MTO1: variants seen among roughly 807,000 people sequenced by gnomAD.
MTO1 encodes 5-taurinomethyluridine-[tRNA] synthase subunit MTO1, mitochondrial.
Under a neutral mutation model 71.6 loss-of-function variants are expected in MTO1, and 46 were observed. That is an observed-to-expected ratio of 0.64 (90% CI 0.51 to 0.82). MTO1 has a LOEUF of 0.82. Ranked by LOEUF, MTO1 falls within the 40% of genes least tolerant of loss-of-function variation. The probability of loss-of-function intolerance (pLI) is 0.00; values close to 1 mark genes in which losing one functional copy is unlikely to be tolerated. For synonymous variants in MTO1, 297 were observed against 312.1 expected (o/e 0.95, Z 0.51); for missense variants, 773 against 867.5 (o/e 0.89, Z 1.37).
Position 73,473,647 on chromosome 6 carries a change from G to A in MTO1, c.818G>A (p.Trp273Ter). The change falls in exon 4 of 12, where the codon TGG becomes TAG. Residue 273 changes from tryptophan to a stop codon, truncating the protein, a stop_gained. Transcript: ENST00000498286. LOFTEE classifies it high-confidence loss of function. ...IPFSFTNETV[W>*]IKPEDQLPCY... is the part of the protein sequence containing the mutation. ...TTCAGCTTTACCAATGAGACAGTAT[G>A]GATTAAGGTAAGATACTTTACGAAA... 2 of 1,608,500 alleles carry A rather than the reference G, an allele frequency of 1.2e-6. No individual in the cohort carries two copies. The highest frequency in any genetic ancestry group is 1.7e-6 in the Non-Finnish European group (2 of 1,176,188).
intron 9 of MTO1, among the ~76,000 whole-genome samples, chr6:73,491,414 G>A (rs76006858): frequency 2.2e-5 from 3 of 139,252 alleles, no homozygotes; most frequent in African/African-American, 6.0e-5. Context: ...AAAAAAAAAA[G>A]AAGAAGAAGA....
intron 9 of MTO1, 51 bp downstream of exon 9, chr6:73,482,671 C>T (rs1771540039): frequency 2.1e-6 from 3 of 1,439,482 alleles, no homozygotes; most frequent in Middle Eastern, 5.2e-4. Context: ...AAAATAAGAT[C>T]ATAAGATCAT....
chr6:73,490,141 A>AT (rs1439362124), intron 9 of MTO1, among the ~76,000 whole-genome samples: 5 of 151,514 alleles, frequency 3.3e-5, no homozygotes, highest in Admixed American at 2.6e-4. Context: ...GGGTTGTTTG[A>AT]TTTTTTCTTG....
chr6:73,480,597 A>G (rs1771460755), intron 6 of MTO1, 78 bp from the exon 7 acceptor site: 1 of 1,533,588 alleles, frequency 6.5e-7, no homozygotes, highest in South Asian at 1.1e-5. Context: ...AAGGGCATTT[A>G]AGGGTAATGC....
chr6:73,474,874 G>C (rs1771266944), intron 4 of MTO1, among the ~76,000 whole-genome samples: 1 of 151,760 alleles, frequency 6.6e-6, no homozygotes, highest in African/African-American at 2.4e-5. Context: ...TCCTGCCTCA[G>C]CCTCCTGAGT....
At chr6:73,488,726 TG>T (rs1771726551) in intron 9 of MTO1, among the ~76,000 whole-genome samples, 1 of 150,672 alleles carries the variant, frequency 6.6e-6, no homozygotes, top group Non-Finnish European at 1.5e-5. Context: ...CTGGCCAGTG[TG>T]GCAAAACCCC....
chr6:73,467,614 A>AAAATATAT (rs1554147818), intron 3 of MTO1, among the ~76,000 whole-genome samples: 1 of 143,494 alleles, frequency 7.0e-6, no homozygotes, highest in East Asian at 2.0e-4. Context: ...ACTCTGTCTC[A>AAAATATAT]AAATAAATAA....
At chr6:73,474,608 C>G (rs1771255974) in intron 4 of MTO1, among the ~76,000 whole-genome samples, 1 of 151,650 alleles carries the variant, frequency 6.6e-6, no homozygotes, top group South Asian at 2.1e-4. Context: ...GCCATCATGC[C>G]TGGCTAATTT....
chr6:73,500,510 G>A, intron 11 of MTO1, 64 bp from the exon 12 acceptor site: 2 of 1,425,112 alleles, frequency 1.4e-6, no homozygotes, highest in Non-Finnish European at 1.9e-6. Context: ...GTTATTTGGA[G>A]GAAAATAGAT....
At position 73,479,991 on chromosome 6, in the gene MTO1, G is replaced by A. The variant is rs1173140501; in HGVS notation, c.994G>A (p.Val332Ile). The change falls in exon 6 of 12, where the codon GTT (valine) becomes ATT (isoleucine). Residue 332 changes from valine to isoleucine, a missense_variant. Coordinates refer to ENST00000498286, the MANE Select transcript of MTO1 (RefSeq NM_012123.4). ...VLRFPNRLHQVWLEPEGMDSD... is the reference protein window; with the variant it reads ...VLRFPNRLHQIWLEPEGMDSD... Reference sequence around the variant, plus strand: ...GCGTTTTCCAAACCGTCTACATCAGGTTTGGTTGGAACCTGAAGGAATGGA... The same window carrying A: ...GCGTTTTCCAAACCGTCTACATCAGATTTGGTTGGAACCTGAAGGAATGGA... The A allele has an allele frequency of 1.9e-6, 3 of 1,614,018 alleles. No individual in the cohort carries two copies. In the East Asian group the frequency reaches 6.7e-5, roughly 36 times the overall value.
At chr6:73,474,033 C>A (rs1008440699) in intron 4 of MTO1, among the ~76,000 whole-genome samples, 1 of 150,760 alleles carries the variant, frequency 6.6e-6, no homozygotes, top group Non-Finnish European at 1.5e-5. Context: ...GGATCCACCC[C>A]CCTTGGCCTC....
rs1482680372 is a variant in MTO1 at position 73,508,809 on chromosome 6, C to G, written c.*8074C>G. The stretch of plus-strand genomic sequence containing the variant: ...GTTATATATAGAATCCTGCAAGAGG[C>G]TCAACAGGGAAGTCCAAAGAGTCAA... On this transcript the variant is annotated 3_prime_UTR_variant, in exon 12 of 12. Transcript: ENST00000498286. 6.6e-6 allele frequency: 1 copy of G among 152,174 alleles called. No individual in the cohort carries two copies. Among genetic ancestry groups the G allele is most frequent in the East Asian group, 1.9e-4 (1 of 5,194 alleles). 9.4% of individuals were successfully genotyped at this position (152,174 alleles called of 1,614,324 possible). A position where few individuals can be genotyped will look rare whatever the true frequency, so the allele number is the denominator to read the frequency against.
rs1369526349 is a variant in MTO1 at position 73,482,544 on chromosome 6, A to G, written c.1561A>G (p.Ile521Val). The change falls in exon 9 of 12, where the codon ATT becomes GTT. Residue 521 changes from isoleucine to valine, a missense_variant. Ile to Val is a conservative substitution (Grantham distance 29). Transcript: ENST00000498286. Reference protein sequence around the residue: ...LEEGISVLKSIEFLSSKWKKL... With the variant: ...LEEGISVLKSVEFLSSKWKKL... ...AGAAGGCATTTCTGTGTTGAAATCT[A>G]TTGAGTTTTTGAGCTCTAAATGGAA... The G allele has an allele frequency of 1.9e-6, 3 of 1,612,314 alleles. No homozygotes were observed. Among genetic ancestry groups the G allele is most frequent in the African/African-American group, 2.7e-5 (2 of 74,866 alleles).
intron 11 of MTO1, among the ~76,000 whole-genome samples, chr6:73,499,408 G>A (rs1772091755): frequency 6.6e-6 from 1 of 151,706 alleles, no homozygotes; most frequent in Non-Finnish European, 1.5e-5. Context: ...TATAGTCCCA[G>A]CTACTTGGGA....
rs774500449 is a variant in MTO1, at chr6:73,492,313, A to T, written c.1717A>T (p.Thr573Ser). The T allele has an allele frequency of 1.5e-5, 24 of 1,613,592 alleles. No individual in the cohort carries two copies. Among genetic ancestry groups the T allele is most frequent in the Admixed American group, 6.7e-5 (4 of 59,982 alleles). Residue 573 changes from threonine to serine, a missense_variant, in exon 10 of 12, where the codon ACT becomes TCT. Transcript: ENST00000498286. ...KAVPEPLKKY[T>S]KCRELAERLK... ...TGTTCCAGAGCCCTTGAAGAAGTAT[A>T]CTAAATGTAGAGAGCTGGCTGAAAG... is the stretch of plus-strand genomic sequence containing the variant.
In MTO1 at chr6:73,466,535, T is replaced by C; in HGVS notation, c.464T>C (p.Val155Ala). 1 of 1,614,202 alleles carries C rather than the reference T, an allele frequency of 6.2e-7. No homozygotes were observed. Among genetic ancestry groups the C allele is most frequent in the Middle Eastern group, 1.6e-4 (1 of 6,062 alleles). ...TPLLTVQEGA[V>A]EDLILTEPEP... ...CTGCTTACTGTTCAGGAGGGAGCTG[T>C]AGAAGATCTTATTCTTACAGAACCA... Residue 155 changes from valine to alanine, a missense_variant, in exon 3 of 12, where the codon GTA becomes GCA. Transcript: ENST00000498286.
chr6:73,469,812 C>T (rs950235183), intron 3 of MTO1, among the ~76,000 whole-genome samples: 8 of 152,044 alleles, frequency 5.3e-5, no homozygotes, highest in Non-Finnish European at 1.0e-4. Flanking sequence ...TGAAGACCAG[C>T]CTGACCAACA....
chr6:73,504,268 A>C lies in MTO1; in HGVS notation c.*3533A>C, dbSNP rs1312619688. On this transcript the variant is annotated 3_prime_UTR_variant, in exon 12 of 12. Transcript: ENST00000498286. ...CATCTCAGCCCTCCAAGTAGCTGGG[A>C]CTACAGGTGTGCACCACCATGCACG... 1 of 152,168 alleles carries C rather than the reference A, an allele frequency of 6.6e-6. No homozygotes were observed. The highest frequency in any genetic ancestry group is 6.6e-5 in the Admixed American group (1 of 15,262). 9.4% of individuals were successfully genotyped at this position (152,168 alleles called of 1,614,324 possible). A position where few individuals can be genotyped will look rare whatever the true frequency, so the allele number is the denominator to read the frequency against.
At chr6:73,493,514 C>A (rs1771888122) in intron 10 of MTO1, among the ~76,000 whole-genome samples, 1 of 151,846 alleles carries the variant, frequency 6.6e-6, no homozygotes, top group Non-Finnish European at 1.5e-5. Context: ...CCTCAGCCTC[C>A]CAAGTAGCTG....
Sources: gnomAD v4.1 joint callset for allele counts (sites outside exome capture counted in the v4.1 genomes callset) on GRCh38, gnomAD v4.1.1 for gene constraint, MANE v1.5 for transcripts, NCBI Gene and HGNC (gene_info 2026-07-23, HGNC 2026-07-21) for gene names.